Variants in IVD observed in about 807,000 individuals in gnomAD.
The protein encoded by IVD is isovaleryl-CoA dehydrogenase.
A neutral mutation model predicts 51.3 loss-of-function variants in IVD; 31 were observed. The ratio of observed to expected loss-of-function variants is 0.60; its 90% CI spans 0.45 to 0.81. The LOEUF is 0.81. Ranked by LOEUF, IVD falls within the 40% of genes least tolerant of loss-of-function variation. IVD has a pLI of 0.00. For missense variants in IVD, 475 were observed against 552.0 expected (o/e 0.86, Z 1.40); for synonymous variants, 205 against 219.4 (o/e 0.93, Z 0.58).
intron 2 of IVD, 59 bp downstream of exon 2, chr15:40,407,784 C>A (rs1043269346): frequency 6.7e-7 from 1 of 1,492,450 alleles, no homozygotes; most frequent in Non-Finnish European, 9.3e-7. Context: ...AGCTGCACTG[C>A]TGCCTGGAAG....
chr15:40,415,581 T>A, intron 9 of IVD, 99 bp downstream of exon 9: 1 of 1,002,986 alleles, frequency 1.0e-6, no homozygotes, highest in South Asian at 1.4e-5. Context: ...GGTTACTGTC[T>A]CCTCTAGCAA....
chr15:40,427,362 C>T (rs932501033), downstream of IVD, among the ~76,000 whole-genome samples: 9 of 152,226 alleles, frequency 5.9e-5, no homozygotes, highest in African/African-American at 1.2e-4. Context: ...CTGTCAGACA[C>T]GCTGCAGGAG....
chr15:40,425,032 G>A (rs779382040), downstream of IVD, among the ~76,000 whole-genome samples: 3 of 152,110 alleles, frequency 2.0e-5, no homozygotes, highest in Admixed American at 6.5e-5. Context: ...CCTCATCCCC[G>A]TACTCCTCTG....
chr15:40,408,740 C>T (rs867492696), intron 3 of IVD, among the ~76,000 whole-genome samples: 1 of 152,074 alleles, frequency 6.6e-6, no homozygotes, highest in Non-Finnish European at 1.5e-5. Context: ...CACCTGCGGT[C>T]GTGAGTTCGA....
rs1477249217 is a variant in IVD, at chr15:40,420,993, G to A, written c.*2730G>A. On this transcript the variant is annotated 3_prime_UTR_variant, in exon 12 of 12. Transcript: ENST00000487418. ...AGCCAAGTGCTGTTCCTAGCCTGAG[G>A]CTTGAGACAGGTGGGGTTGGCTCCT... 1 of 985,380 alleles carries A rather than the reference G, an allele frequency of 1.0e-6. No homozygotes were observed. The highest frequency in any genetic ancestry group is 1.7e-5 in the African/African-American group (1 of 57,250). The allele number at this position is 985,380 out of a possible 1,614,324, so 61.0% of individuals were successfully genotyped here. A position where few individuals can be genotyped will look rare whatever the true frequency, so the allele number is the denominator to read the frequency against.
chr15:40,411,514 G>C (rs906650254), intron 5 of IVD, 41 bp from the exon 6 acceptor site: 2 of 1,613,940 alleles, frequency 1.2e-6, no homozygotes. Context: ...GCTGAGACAG[G>C]CCAAGATGGC....
chr15:40,428,671 A>C (rs1892803736), downstream of IVD, among the ~76,000 whole-genome samples: 1 of 152,002 alleles, frequency 6.6e-6, no homozygotes, highest in South Asian at 2.1e-4. Context: ...CTCCCACCTG[A>C]TCACCCACAC....
In IVD at chr15:40,418,194, G is replaced by A; in HGVS notation, c.1203G>A (p.Glu401=). 1 of 1,614,244 alleles carries A rather than the reference G, an allele frequency of 6.2e-7. No homozygotes were observed. The highest frequency in any genetic ancestry group is 8.5e-7 in the Non-Finnish European group (1 of 1,180,042). The change falls in exon 12 of 12, where the codon GAG becomes GAA. Residue 401 remains glutamate (E), a synonymous_variant. Coordinates refer to ENST00000487418, the MANE Select transcript of IVD (RefSeq NM_002225.5). ...TTCTTCGAGATGCCAAGCTGTATGA[G>A]ATAGGGGCTGGGACCAGCGAGGTGA... ...GRFLRDAKLY[E]IGAGTSEVRR...
At chr15:40,415,242 C>G in intron 8 of IVD, 159 bp from the exon 9 acceptor site, 3 of 770,702 alleles carry the variant, frequency 3.9e-6, no homozygotes. Flanking sequence ...GGCTGTCACG[C>G]CCCTGCACCT....
chr15:40,408,819 A>G (rs763493746), intron 3 of IVD, among the ~76,000 whole-genome samples: 1 of 152,156 alleles, frequency 6.6e-6, no homozygotes, highest in African/African-American at 2.4e-5. Flanking sequence ...TCATGGTGGT[A>G]CATCCCTGTA....
Position 40,418,957 on chromosome 15 carries a change from A to G in IVD, c.*694A>G, listed in dbSNP as rs920901317. On this transcript the variant is annotated 3_prime_UTR_variant, in exon 12 of 12. Coordinates refer to ENST00000487418, the MANE Select transcript of IVD (RefSeq NM_002225.5). Reference sequence around the variant, plus strand: ...AGACCAGCCTGGCCAACATGTGGAAACCTCGCCTCAACTAAAAATAGAAAA... The same window carrying G: ...AGACCAGCCTGGCCAACATGTGGAAGCCTCGCCTCAACTAAAAATAGAAAA... The G allele has an allele frequency of 2.1e-6, 1 of 478,556 alleles. No homozygotes were observed. The highest frequency in any genetic ancestry group is 2.1e-5 in the African/African-American group (1 of 48,732). 29.6% of individuals were successfully genotyped at this position (478,556 alleles called of 1,614,324 possible). A position where few individuals can be genotyped will look rare whatever the true frequency, so the allele number is the denominator to read the frequency against.
downstream of IVD, chr15:40,424,048 C>G: frequency 2.5e-6 from 2 of 796,864 alleles, no homozygotes; most frequent in Non-Finnish European, 3.4e-6. Flanking sequence ...CCTCACCCAC[C>G]ACCCAGCCAC....
At chr15:40,424,100 C>T (rs2141406920), downstream of IVD, 1 of 1,232,766 alleles carries the variant, frequency 8.1e-7, no homozygotes, top group African/African-American at 1.5e-5. Context: ...CTTCCTGGAT[C>T]TTAACATCCT....
intron 1 of IVD, among the ~76,000 whole-genome samples, chr15:40,406,934 G>A (rs944025963): frequency 1.3e-5 from 2 of 148,840 alleles, no homozygotes; most frequent in African/African-American, 5.0e-5. Context: ...CGCGATCTCC[G>A]CTCACCACAA....
rs148601951 is a variant in IVD at position 40,411,527 on chromosome 15, G to A, written c.551-28G>A. The A allele has an allele frequency of 3.9e-4, 637 of 1,614,164 alleles. 6 individuals carry two copies. In the East Asian group the frequency reaches 0.012, roughly 31 times the overall value. ...TGGCTGAGACAGGCCAAGATGGCTT[G>A]AGCAAATAGCCAACATCCTGCCCTT... On this transcript the variant is annotated intron_variant, in intron 5 of 11. Transcript: ENST00000487418.
chr15:40,407,824 C>G, intron 2 of IVD, 99 bp downstream of exon 2: 4 of 1,436,774 alleles, frequency 2.8e-6, no homozygotes, highest in Non-Finnish European at 3.9e-6. Flanking sequence ...TAAATGAAGC[C>G]TCTCTAAGAA....
At chr15:40,416,486 G>A (rs1333036973) in intron 11 of IVD, 124 bp downstream of exon 11, 24 of 828,704 alleles carry the variant, frequency 2.9e-5, no homozygotes, top group South Asian at 4.3e-5. Context: ...TTGGGAGGCC[G>A]AGGTAGGCAG....
intron 3 of IVD, among the ~76,000 whole-genome samples, chr15:40,410,116 G>A (rs575819068): frequency 6.6e-6 from 1 of 152,284 alleles, no homozygotes; most frequent in African/African-American, 2.4e-5. Flanking sequence ...GATTACAGGC[G>A]TGAGCCCCAT....
intron 7 of IVD, among the ~76,000 whole-genome samples, chr15:40,432,960 T>C (rs1406888800): frequency 6.6e-6 from 1 of 152,236 alleles, no homozygotes; most frequent in Non-Finnish European, 1.5e-5. Context: ...GCTTCAGGCA[T>C]GGCCAGATTT....
Sources: allele counts gnomAD v4.1 joint callset (sites outside exome capture counted in the v4.1 genomes callset), GRCh38; gene constraint gnomAD v4.1.1; transcripts MANE v1.5; gene names NCBI Gene and HGNC (gene_info 2026-07-23, HGNC 2026-07-21).